The following HEPHL1 variants were observed in gnomAD, a reference collection of about 807,000 sequenced individuals.
The protein encoded by HEPHL1 is hephaestin like 1.
A neutral mutation model predicts 122.0 loss-of-function variants in HEPHL1; 123 were observed. The observed-to-expected ratio is 1.01, with a 90% CI of 0.87 to 1.17. The LOEUF (loss-of-function observed/expected upper bound fraction) is 1.17. Ranked by LOEUF, HEPHL1 falls within the 50% of genes most tolerant of loss-of-function variation. The pLI is 0.00. For synonymous variants in HEPHL1, 527 were observed against 508.9 expected (o/e 1.04, Z -0.48); for missense variants, 1,452 against 1,430.5 (o/e 1.01, Z -0.24).
At chr11:94,037,387 T>A (rs1249995275) in intron 1 of HEPHL1, among the ~76,000 whole-genome samples, 1 of 151,946 alleles carries the variant, frequency 6.6e-6, no homozygotes, top group Non-Finnish European at 1.5e-5. Context: ...GAGGCCTGCC[T>A]GCCTCTGTAG....
At position 94,112,131 on chromosome 11, in the gene HEPHL1, G is replaced by A. The variant is rs1946455351; in HGVS notation, c.*237G>A. 2 of 356,490 alleles carry A rather than the reference G, an allele frequency of 5.6e-6. No individual in the cohort carries two copies. Among genetic ancestry groups the A allele is most frequent in the Non-Finnish European group, 1.0e-5 (2 of 200,036 alleles). 22.1% of individuals were successfully genotyped at this position (356,490 alleles called of 1,614,324 possible). ...CAGAAAAAGGAGAATGGGCATGGCT[G>A]AGAATGTCAACTCTTAGTCTATTCT... On this transcript the variant is annotated 3_prime_UTR_variant, in exon 20 of 20. Transcript: ENST00000315765.
At chr11:94,074,071 C>A (rs527992793) in intron 8 of HEPHL1, among the ~76,000 whole-genome samples, 3 of 152,080 alleles carry the variant, frequency 2.0e-5, no homozygotes, top group Non-Finnish European at 2.9e-5. Flanking sequence ...TGGTACTCAT[C>A]CCTATTACTG....
At position 94,067,493 on chromosome 11, in the gene HEPHL1, C is replaced by T. The variant is rs1454919549; in HGVS notation, c.809-3C>T. On this transcript the variant is annotated splice_polypyrimidine_tract_variant and splice_region_variant and intron_variant, in intron 4 of 19. Transcript: ENST00000315765. ...TCTTCCACTAGCGTGTTTCTGTTTC[C>T]AGCCCTCAATGGATACCTCTTCGGA... is the stretch of plus-strand genomic sequence containing the variant. 2 of 1,611,556 alleles carry T rather than the reference C, an allele frequency of 1.2e-6. No individual in the cohort carries two copies. The highest frequency in any genetic ancestry group is 1.7e-6 in the Non-Finnish European group (2 of 1,177,868).
chr11:94,059,738 C>A (rs1945968691), intron 2 of HEPHL1, among the ~76,000 whole-genome samples: 1 of 152,038 alleles, frequency 6.6e-6, no homozygotes, highest in African/African-American at 2.4e-5. Flanking sequence ...CAGTGATATT[C>A]TTCAACTTGA....
At chr11:94,053,215 C>G (rs567806727) in intron 2 of HEPHL1, among the ~76,000 whole-genome samples, 1 of 151,832 alleles carries the variant, frequency 6.6e-6, no homozygotes, top group Non-Finnish European at 1.5e-5. Context: ...CCTAGAAATT[C>G]GTGTGTTTCA....
chr11:94,096,559 T>A (rs1356803703), intron 13 of HEPHL1, among the ~76,000 whole-genome samples: 1 of 152,212 alleles, frequency 6.6e-6, no homozygotes, highest in Non-Finnish European at 1.5e-5. Flanking sequence ...GATTCCCTCT[T>A]TTTCTATTGA....
Position 94,073,410 on chromosome 11 carries a change from A to G in HEPHL1, c.1475A>G (p.Lys492Arg). Residue 492 changes from lysine to arginine, a missense_variant, in exon 8 of 20, where the codon AAG (lysine) becomes AGG (arginine). Lys to Arg is a conservative substitution (Grantham distance 26). Transcript: ENST00000315765. ...TTACCCCATGGTGTGATCTATGACAAGGCATCTGATGCAGCCCCAAACCTA... is the reference window on the plus strand; with the variant it reads ...TTACCCCATGGTGTGATCTATGACAGGGCATCTGATGCAGCCCCAAACCTA... ...SILPHGVIYD[K>R]ASDAAPNLDG... 1 of 1,558,202 alleles carries G rather than the reference A, an allele frequency of 6.4e-7. No homozygotes were observed. The highest frequency in any genetic ancestry group is 8.7e-7 in the Non-Finnish European group (1 of 1,149,914).
intron 1 of HEPHL1, among the ~76,000 whole-genome samples, chr11:94,043,662 C>T (rs1035035436): frequency 2.6e-5 from 4 of 151,976 alleles, no homozygotes; most frequent in African/African-American, 4.8e-5. Context: ...GTGTGTGTGC[C>T]GAGTTGCCAA....
At chr11:94,097,716 A>G (rs1337400998) in intron 13 of HEPHL1, among the ~76,000 whole-genome samples, 3 of 152,096 alleles carry the variant, frequency 2.0e-5, no homozygotes, top group Non-Finnish European at 4.4e-5. Context: ...TTGGGTGTAT[A>G]TATATTTAGG....
intron 2 of HEPHL1, among the ~76,000 whole-genome samples, chr11:94,059,935 A>C (rs1184708888): frequency 6.6e-6 from 1 of 151,820 alleles, no homozygotes; most frequent in Non-Finnish European, 1.5e-5. Flanking sequence ...CTCAATCGAA[A>C]CTTCGAGACA....
intron 9 of HEPHL1, 67 bp from the exon 10 acceptor site, chr11:94,082,351 A>G (rs868361876): frequency 8.0e-7 from 1 of 1,244,048 alleles, no homozygotes. Context: ...TGAACTTTGA[A>G]GGAAAGCAAT....
intron 12 of HEPHL1, 101 bp from the exon 13 acceptor site, chr11:94,093,400 G>A (rs1946277967): frequency 1.6e-5 from 22 of 1,363,362 alleles, no homozygotes; most frequent in Non-Finnish European, 2.2e-5. Flanking sequence ...TCACAGCCAG[G>A]TTTGGGGAGC....
chr11:94,068,077 G>T (rs1428141326), intron 5 of HEPHL1, among the ~76,000 whole-genome samples: 1 of 152,198 alleles, frequency 6.6e-6, no homozygotes, highest in Non-Finnish European at 1.5e-5. Context: ...CTCTTTGGGT[G>T]TTGCAGTCAC....
At position 94,111,070 on chromosome 11, in the gene HEPHL1, G is replaced by A. The variant is rs372291213; in HGVS notation, c.3208+5G>A. 18 of 1,565,424 alleles carry A rather than the reference G, an allele frequency of 1.1e-5. 1 individual carries two copies. The highest frequency in any genetic ancestry group is 4.6e-5 in the East Asian group (2 of 43,054). On this transcript the variant is annotated splice_donor_5th_base_variant and intron_variant, in intron 18 of 19. Coordinates refer to ENST00000315765, the MANE Select transcript of HEPHL1 (RefSeq NM_001098672.2). ...ACACGGTCCTTCGTAACATAGGTAC[G>A]GTTGTCTGTCAGTGATGCCAGATGA...
intron 1 of HEPHL1, among the ~76,000 whole-genome samples, chr11:94,037,296 G>A (rs1428776732): frequency 6.6e-6 from 1 of 151,870 alleles, no homozygotes; most frequent in Non-Finnish European, 1.5e-5. Context: ...TGGGGGAGGG[G>A]CGCCCGCCAT....
At chr11:94,034,772 C>G in intron 1 of HEPHL1, among the ~76,000 whole-genome samples, 1 of 152,244 alleles carries the variant, frequency 6.6e-6, no homozygotes, top group Middle Eastern at 3.4e-3. Context: ...CAGCTGAATC[C>G]GATACCAAGG....
At position 94,102,945 on chromosome 11, in the gene HEPHL1, T is replaced by C. The variant is rs184702288; in HGVS notation, c.2607T>C (p.Pro869=). 3,724 of 1,604,980 alleles carry C rather than the reference T, an allele frequency of 2.3e-3. 10 individuals are homozygous for C. Among genetic ancestry groups the C allele is most frequent in the Middle Eastern group, 0.013 (78 of 6,032 alleles). ...GEVKTYRWNI[P]KRSGPGPSDP... ...TAAAAACTTATAGATGGAATATCCC[T>C]AAAAGATCCGGTCCAGGGCCTTCTG... The change falls in exon 15 of 20, where the codon CCT becomes CCC. Residue 869 remains proline (P), a synonymous_variant. Coordinates refer to ENST00000315765, the MANE Select transcript of HEPHL1 (RefSeq NM_001098672.2).
At chr11:94,083,582 T>C (rs1223590280) in intron 10 of HEPHL1, among the ~76,000 whole-genome samples, 1 of 152,208 alleles carries the variant, frequency 6.6e-6, no homozygotes, top group Non-Finnish European at 1.5e-5. Flanking sequence ...AAAATCTATT[T>C]ATTGCCTTTT....
Position 94,070,516 on chromosome 11 carries a change from T to C in HEPHL1, c.1206T>C (p.Ser402=), listed in dbSNP as rs775110615. Residue 402 remains serine, a synonymous_variant, in exon 6 of 20, where the codon AGT becomes AGC. Coordinates refer to ENST00000315765, the MANE Select transcript of HEPHL1 (RefSeq NM_001098672.2). ...DYAPQGYNKF[S]GLPLNASGSD... ...CTCCTCAAGGCTATAACAAATTCAG[T>C]GGTCTTCCTCTAAACGCCTCTGGCA... The C allele has an allele frequency of 3.7e-6, 6 of 1,610,988 alleles. No individual in the cohort carries two copies. In the African/African-American group the frequency reaches 8.0e-5, roughly 22 times the overall value.
Sources: gnomAD v4.1 joint callset for allele counts (sites outside exome capture counted in the v4.1 genomes callset) on GRCh38, gnomAD v4.1.1 for gene constraint, MANE v1.5 for transcripts, NCBI Gene and HGNC (gene_info 2026-07-23, HGNC 2026-07-21) for gene names.